Variants in SAMD12 observed in about 807,000 individuals in gnomAD.
SAMD12 encodes the protein sterile alpha motif domain-containing protein 12.
Under a neutral mutation model 15.0 loss-of-function variants are expected in SAMD12, and 9 were observed. The observed-to-expected ratio is 0.60, with a 90% CI of 0.36 to 1.05. SAMD12 has a LOEUF of 1.05. Ranked by LOEUF, SAMD12 falls within the 50% of genes least tolerant of loss-of-function variation. SAMD12 has a pLI of 0.01. For synonymous variants in SAMD12, 86 were observed against 90.1 expected (o/e 0.96, Z 0.25); for missense variants, 230 against 234.2 (o/e 0.98, Z 0.12).
At chr8:118,214,423 T>C (rs1264941116) in intron 4 of SAMD12, among the ~76,000 whole-genome samples, 1 of 152,220 alleles carries the variant, frequency 6.6e-6, no homozygotes, top group African/African-American at 2.4e-5. Flanking sequence ...TGTTAGCTGA[T>C]GGTCATAGTG....
At chr8:118,330,777 A>G (rs7004603) in intron 4 of SAMD12, among the ~76,000 whole-genome samples, 36,664 of 152,016 alleles carry the variant, frequency 0.24, 5,574 homozygotes, top group African/African-American at 0.43. Flanking sequence ...AGATTAAACT[A>G]GAAAAGTGGG....
intron 2 of SAMD12, among the ~76,000 whole-genome samples, chr8:118,566,005 T>G (rs1262152942): frequency 6.6e-6 from 1 of 152,226 alleles, no homozygotes; most frequent in Non-Finnish European, 1.5e-5. Flanking sequence ...ATCTCCCTGT[T>G]TCTGTGCTTG....
chr8:118,608,354 C>T (rs923490700), intron 1 of SAMD12, among the ~76,000 whole-genome samples: 1 of 151,952 alleles, frequency 6.6e-6, no homozygotes, highest in Non-Finnish European at 1.5e-5. Context: ...CTCTGCTTGT[C>T]TCCCTCAGTT....
chr8:118,269,220 C>CTCTCTCTGTGTGTGTGTGTG (rs1299970707), intron 4 of SAMD12, among the ~76,000 whole-genome samples: 27 of 123,032 alleles, frequency 2.2e-4, no homozygotes, highest in African/African-American at 7.8e-4. Context: ...CTCTCTCTCT[C>CTCTCTCTGTGTGTGTGTGTG]TGTGTGTGTG....
At chr8:118,370,237 C>A (rs879227051) in intron 4 of SAMD12, among the ~76,000 whole-genome samples, 2 of 152,058 alleles carry the variant, frequency 1.3e-5, no homozygotes, top group Non-Finnish European at 2.9e-5. Context: ...CAGTGAGATA[C>A]CATCTCACGC....
At chr8:118,456,902 CT>C (rs1271546553) in intron 2 of SAMD12, among the ~76,000 whole-genome samples, 1 of 152,204 alleles carries the variant, frequency 6.6e-6, no homozygotes, top group Non-Finnish European at 1.5e-5. Context: ...CAGCCTGACT[CT>C]GCTCAAATGG....
chr8:118,606,088 A>AG (rs1187169715), intron 1 of SAMD12, among the ~76,000 whole-genome samples: 2 of 152,148 alleles, frequency 1.3e-5, no homozygotes, highest in African/African-American at 2.4e-5. Context: ...ACAAAATACT[A>AG]GGAAAAAACG....
intron 4 of SAMD12, among the ~76,000 whole-genome samples, chr8:118,318,327 T>TAC (rs1816038065): frequency 5.7e-5 from 2 of 35,054 alleles, no homozygotes; most frequent in Non-Finnish European, 1.9e-4. Flanking sequence ...TATATATATA[T>TAC]ATATATATAT....
intron 2 of SAMD12, among the ~76,000 whole-genome samples, chr8:118,510,506 A>G (rs768466295): frequency 6.6e-6 from 1 of 152,244 alleles, no homozygotes; most frequent in Non-Finnish European, 1.5e-5. Context: ...TTTCATTTAC[A>G]TAACTCAATC....
chr8:118,165,649 T>A, the SAMD12 span, among the ~76,000 whole-genome samples: 2 of 146,432 alleles, frequency 1.4e-5, no homozygotes, highest in African/African-American at 2.5e-5. Context: ...TATATATATA[T>A]AAAACATAAC....
intron 4 of SAMD12, among the ~76,000 whole-genome samples, chr8:118,344,518 A>G (rs2130563624): frequency 6.6e-6 from 1 of 152,344 alleles, no homozygotes; most frequent in South Asian, 2.1e-4. Context: ...TAAACTGCAG[A>G]AGTGGGATAT....
chr8:118,585,015 C>T (rs1827401637), intron 1 of SAMD12, among the ~76,000 whole-genome samples: 1 of 151,906 alleles, frequency 6.6e-6, no homozygotes, highest in Non-Finnish European at 1.5e-5. Context: ...ATGTACATAG[C>T]AGCATTATTC....
At chr8:118,377,976 T>C (rs143027014), downstream of SAMD12, 3 of 152,326 alleles carry the variant, frequency 2.0e-5, no homozygotes, top group East Asian at 5.8e-4. Flanking sequence ...AGAATTTAAG[T>C]CACCCACTTA....
chr8:118,599,157 A>G (rs1480334358), intron 1 of SAMD12, among the ~76,000 whole-genome samples: 1 of 152,138 alleles, frequency 6.6e-6, no homozygotes, highest in Non-Finnish European at 1.5e-5. Context: ...GCACCCACCT[A>G]ATTCTATTTT....
chr8:118,593,586 G>A (rs1468279776), intron 1 of SAMD12, among the ~76,000 whole-genome samples: 2 of 152,078 alleles, frequency 1.3e-5, no homozygotes, highest in Non-Finnish European at 2.9e-5. Flanking sequence ...ACAGCATAAC[G>A]GACAGTGCAG....
intron 2 of SAMD12, among the ~76,000 whole-genome samples, chr8:118,519,607 A>G (rs1563906407): frequency 6.6e-6 from 1 of 152,182 alleles, no homozygotes; most frequent in African/African-American, 2.4e-5. Context: ...TTTGCTTGCA[A>G]GTGACATACA....
the SAMD12 span, among the ~76,000 whole-genome samples, chr8:118,180,384 A>G: frequency 6.6e-6 from 1 of 152,128 alleles, no homozygotes; most frequent in African/African-American, 2.4e-5. Context: ...TGTAATACAA[A>G]TATCCATGTA....
At chr8:118,289,843 T>A (rs1293946307) in intron 4 of SAMD12, among the ~76,000 whole-genome samples, 2 of 152,232 alleles carry the variant, frequency 1.3e-5, no homozygotes, top group Admixed American at 1.3e-4. Flanking sequence ...TTGAGTTACC[T>A]GCCAGCTTCT....
At chr8:118,319,449 T>C (rs904846409) in intron 4 of SAMD12, among the ~76,000 whole-genome samples, 3 of 152,164 alleles carry the variant, frequency 2.0e-5, no homozygotes, top group Non-Finnish European at 4.4e-5. Context: ...TTCAACATGC[T>C]CCACTCTGAG....
Sources: gnomAD v4.1 joint callset for allele counts (sites outside exome capture counted in the v4.1 genomes callset) on GRCh38, gnomAD v4.1.1 for gene constraint, MANE v1.5 for transcripts, NCBI Gene and HGNC (gene_info 2026-07-23, HGNC 2026-07-21) for gene names.